The following PTPRD variants were observed in gnomAD, a reference collection of about 807,000 sequenced individuals.
PTPRD encodes receptor-type tyrosine-protein phosphatase delta.
A neutral mutation model predicts 214.5 loss-of-function variants in PTPRD; 34 were observed. The observed-to-expected ratio is 0.16, with a 90% CI of 0.12 to 0.21. The LOEUF (loss-of-function observed/expected upper bound fraction) is 0.21, where lower values mean the gene tolerates loss of function less well. Among genes scored for constraint, PTPRD ranks in the 10% least tolerant of loss-of-function variants. The pLI is 1.00. For missense variants in PTPRD, 2,545 were observed against 2,398.7 expected (o/e 1.06, Z -1.27); for synonymous variants, 1,128 against 845.7 (o/e 1.33, Z -5.79).
At position 10,323,748 on chromosome 9, in the gene PTPRD, T is replaced by C. The variant is rs545456975; in HGVS notation, c.-545+17215A>G. Among the ~76,000 whole-genome samples the C allele has an allele frequency of 3.3e-5, 5 of 152,152 alleles. No homozygotes were observed. In the South Asian group the frequency reaches 8.3e-4, roughly 25 times the overall value. ...TGTCTGCTGAAAGACGATTTATGCA[T>C]ACTTTCCTGTCTGGAGATTTTAAAT... On this transcript the variant is annotated intron_variant, in intron 3 of 45. Coordinates refer to ENST00000381196, the MANE Select transcript of PTPRD (RefSeq NM_002839.4).
intron 11 of PTPRD, among the ~76,000 whole-genome samples, chr9:8,847,540 T>C (rs921338634): frequency 6.6e-6 from 1 of 152,164 alleles, no homozygotes; most frequent in African/African-American, 2.4e-5. Flanking sequence ...ATGAAAGCCA[T>C]AAAAGACCGA....
chr9:9,280,767 T>C (rs2133542610), intron 9 of PTPRD, among the ~76,000 whole-genome samples: 1 of 151,444 alleles, frequency 6.6e-6, no homozygotes, highest in Admixed American at 6.6e-5. Context: ...TTTGTGAATA[T>C]TGACAAACTG....
At chr9:8,895,125 C>T (rs534749338) in intron 11 of PTPRD, among the ~76,000 whole-genome samples, 2 of 152,244 alleles carry the variant, frequency 1.3e-5, no homozygotes, top group Non-Finnish European at 1.5e-5. Context: ...ATATTAATTA[C>T]CAATTAAAGA....
intron 9 of PTPRD, among the ~76,000 whole-genome samples, chr9:9,369,602 C>T (rs1292860664): frequency 2.7e-4 from 41 of 152,162 alleles, no homozygotes; most frequent in Admixed American, 7.2e-4. Context: ...TGTGCAGAAG[C>T]TCTTTAGTTT....
chr9:8,929,751 A>ATGTGTG lies in PTPRD; in HGVS notation c.-104+88945_-104+88946insCACACA, dbSNP rs1567060915. On this transcript the variant is annotated intron_variant, in intron 11 of 45. Transcript: ENST00000381196. ...TATATGTGTATATATATGTGTATAT[A>ATGTGTG]TATATGTATATATATGTGTATATAT... Among the ~76,000 whole-genome samples, 24 of 82,194 alleles carry ATGTGTG rather than the reference A, an allele frequency of 2.9e-4. No homozygotes were observed. The South Asian group carries it at 4.1e-3, about 14-fold the overall frequency. 53.9% of individuals were successfully genotyped at this position (82,194 alleles called of 152,430 possible).
At chr9:9,242,489 A>G (rs2099970853) in intron 9 of PTPRD, among the ~76,000 whole-genome samples, 1 of 152,078 alleles carries the variant, frequency 6.6e-6, no homozygotes, top group Non-Finnish European at 1.5e-5. Context: ...CACCAATCAG[A>G]CGTAGATTTG....
intron 27 of PTPRD, among the ~76,000 whole-genome samples, chr9:8,491,358 C>A (rs1203888433): frequency 6.6e-6 from 1 of 152,112 alleles, no homozygotes; most frequent in Admixed American, 6.6e-5. Flanking sequence ...AAAATCATTC[C>A]TTTCTCTAAA....
At chr9:9,945,723 A>G (rs184696284) in intron 4 of PTPRD, among the ~76,000 whole-genome samples, 2 of 152,264 alleles carry the variant, frequency 1.3e-5, no homozygotes, top group East Asian at 3.9e-4. Context: ...TATTATTTTC[A>G]CACATAAATA....
chr9:9,919,685 TGGGAGTTCTCA>T (rs1281658097), intron 5 of PTPRD, among the ~76,000 whole-genome samples: 1 of 152,104 alleles, frequency 6.6e-6, no homozygotes, highest in African/African-American at 2.4e-5. Flanking sequence ...TTTTAAAAGT[TGGGAGTTCTCA>T]TAAATACTAA....
intron 3 of PTPRD, among the ~76,000 whole-genome samples, chr9:10,207,707 T>C (rs904410900): frequency 1.3e-5 from 2 of 151,732 alleles, no homozygotes; most frequent in African/African-American, 4.8e-5. Context: ...TTGTTCTCTT[T>C]CATAGTGTTA....
At chr9:10,158,104 G>A (rs1293103189) in intron 3 of PTPRD, among the ~76,000 whole-genome samples, 2 of 152,050 alleles carry the variant, frequency 1.3e-5, no homozygotes, top group Non-Finnish European at 2.9e-5. Context: ...CTCCTCCTGA[G>A]TTCAAACAAT....
chr9:9,248,218 G>A (rs984350522), intron 9 of PTPRD, among the ~76,000 whole-genome samples: 3 of 151,646 alleles, frequency 2.0e-5, no homozygotes, highest in African/African-American at 4.8e-5. Flanking sequence ...TAAGCCTCCC[G>A]AGCAGCTGGG....
At chr9:9,554,118 A>C (rs577619292) in intron 8 of PTPRD, among the ~76,000 whole-genome samples, 3 of 152,172 alleles carry the variant, frequency 2.0e-5, no homozygotes, top group Non-Finnish European at 2.9e-5. Context: ...ATTTCATGGG[A>C]TATGTGGGCA....
chr9:9,900,641 G>GTTTTTTTTTGTTTTTT (rs1555302236), intron 5 of PTPRD, among the ~76,000 whole-genome samples: 19 of 120,084 alleles, frequency 1.6e-4, no homozygotes, highest in African/African-American at 5.3e-4. Flanking sequence ...ACATTTTCAG[G>GTTTTTTTTTGTTTTTT]TTTTTTTTTT....
chr9:8,754,885 G>A (rs965874792), intron 11 of PTPRD, among the ~76,000 whole-genome samples: 4 of 152,108 alleles, frequency 2.6e-5, no homozygotes, highest in African/African-American at 9.7e-5. Context: ...GAAATGGGGT[G>A]GAGATAAAAG....
At chr9:10,061,950 C>T (rs1257801565) in intron 3 of PTPRD, among the ~76,000 whole-genome samples, 2 of 151,904 alleles carry the variant, frequency 1.3e-5, no homozygotes, top group Non-Finnish European at 2.9e-5. Flanking sequence ...GAATCGGAAA[C>T]TCTGGAAATG....
chr9:9,618,335 G>C (rs966647927), intron 7 of PTPRD, among the ~76,000 whole-genome samples: 1 of 151,500 alleles, frequency 6.6e-6, no homozygotes, highest in Non-Finnish European at 1.5e-5. Context: ...GATTACTCAA[G>C]TCATTAGAGA....
chr9:8,489,111 G>C (rs1237069470), intron 27 of PTPRD, among the ~76,000 whole-genome samples: 2 of 152,126 alleles, frequency 1.3e-5, no homozygotes, highest in Admixed American at 6.5e-5. Context: ...CTTAGTAACT[G>C]ATGTTTCACT....
intron 3 of PTPRD, among the ~76,000 whole-genome samples, chr9:10,287,648 G>A (rs2095403704): frequency 6.6e-6 from 1 of 152,044 alleles, no homozygotes; most frequent in Non-Finnish European, 1.5e-5. Flanking sequence ...GGTGGAGTCT[G>A]TTCTCTCTTC....
Sources: gnomAD v4.1 joint callset for allele counts (sites outside exome capture counted in the v4.1 genomes callset) on GRCh38, gnomAD v4.1.1 for gene constraint, MANE v1.5 for transcripts, NCBI Gene and HGNC (gene_info 2026-07-23, HGNC 2026-07-21) for gene names.